Variants in CCDC3 observed in about 807,000 individuals in gnomAD.
The protein encoded by CCDC3 is coiled-coil domain-containing protein 3.
Under a neutral mutation model 21.4 loss-of-function variants are expected in CCDC3, and 24 were observed. That is an observed-to-expected ratio of 1.12 (90% CI 0.81 to 1.58). The LOEUF (loss-of-function observed/expected upper bound fraction) is 1.58, where lower values mean the gene tolerates loss of function less well. CCDC3 is among the 40% of genes most tolerant of loss of function. The probability of loss-of-function intolerance (pLI) is 0.00; values close to 1 mark genes in which losing one functional copy is unlikely to be tolerated. For synonymous variants in CCDC3, 186 were observed against 166.0 expected, an observed-to-expected ratio of 1.12 and a Z score of -0.93; for missense variants, 425 against 360.9, an observed-to-expected ratio of 1.18 and a Z score of -1.44.
intron 5 of CCDC3, among the ~76,000 whole-genome samples, chr10:13,011,771 G>A (rs1835986809): frequency 6.6e-6 from 1 of 152,144 alleles, no homozygotes; most frequent in African/African-American, 2.4e-5. Flanking sequence ...CACAGCTGGA[G>A]GAATCACATT....
chr10:13,071,495 G>A (rs1043048399), intron 4 of CCDC3, among the ~76,000 whole-genome samples: 7 of 152,154 alleles, frequency 4.6e-5, no homozygotes, highest in Non-Finnish European at 7.4e-5. Context: ...TAGTATCCAC[G>A]GCATAAATGA....
At position 13,007,881 on chromosome 10, in the gene CCDC3, A is replaced by G. The variant is rs553573474; in HGVS notation, c.-1-9369T>C. ...TCTAAAAGTCTTTAGCTGGGGCCAA[A>G]CAAGTTAGGTCTCCAAGCTGGGGCA... On this transcript the variant is annotated intron_variant, in intron 5 of 6. Transcript: ENST00000378839. Among the ~76,000 whole-genome samples the G allele has an allele frequency of 1.7e-3, 255 of 152,234 alleles. 2 individuals are homozygous for G. The highest frequency in any genetic ancestry group is 6.0e-3 in the African/African-American group (248 of 41,548).
intron 2 of CCDC3, among the ~76,000 whole-genome samples, chr10:12,933,593 C>CT (rs1156568182): frequency 5.9e-5 from 9 of 151,684 alleles, no homozygotes; most frequent in Non-Finnish European, 1.2e-4. Context: ...AAGCAGCTGG[C>CT]TTACAGACAT....
intron 2 of CCDC3, among the ~76,000 whole-genome samples, chr10:12,946,797 A>G (rs1834922779): frequency 6.6e-6 from 1 of 152,046 alleles, no homozygotes; most frequent in Non-Finnish European, 1.5e-5. Context: ...CCCTCCTTTA[A>G]TCAACATGCA....
At chr10:13,061,768 G>A (rs533568775) in intron 4 of CCDC3, among the ~76,000 whole-genome samples, 8 of 152,142 alleles carry the variant, frequency 5.3e-5, no homozygotes, top group African/African-American at 1.7e-4. Flanking sequence ...GAAATATTCA[G>A]GTTCAGATAA....
intron 2 of CCDC3, among the ~76,000 whole-genome samples, chr10:12,986,805 CA>C (rs929376301): frequency 6.7e-6 from 1 of 150,244 alleles, no homozygotes; most frequent in Admixed American, 6.6e-5. Context: ...AAAACAAAAA[CA>C]AAAAAGTAAT....
At chr10:13,063,996 C>T (rs1237298931) in intron 4 of CCDC3, among the ~76,000 whole-genome samples, 1 of 151,686 alleles carries the variant, frequency 6.6e-6, no homozygotes, top group Non-Finnish European at 1.5e-5. Flanking sequence ...GGTGCCATCT[C>T]GGCTCACTGC....
intron 2 of CCDC3, among the ~76,000 whole-genome samples, chr10:12,950,721 C>G (rs1409240234): frequency 2.0e-5 from 3 of 152,178 alleles, no homozygotes; most frequent in Non-Finnish European, 4.4e-5. Context: ...TCGCCCATGT[C>G]AGAAACCCTT....
chr10:12,930,842 C>T (rs185693576), intron 2 of CCDC3, among the ~76,000 whole-genome samples: 26 of 152,282 alleles, frequency 1.7e-4, no homozygotes, highest in Admixed American at 3.3e-4. Flanking sequence ...GTACCTGGAG[C>T]ATAGAGCACA....
rs536741889 is a variant in CCDC3 at position 13,033,073 on chromosome 10, C to T, written c.-2+16601G>A. Among the ~76,000 whole-genome samples the T allele has an allele frequency of 2.0e-4, 30 of 152,298 alleles. No individual in the cohort carries two copies. In the South Asian group the frequency reaches 3.7e-3, roughly 19 times the overall value. On this transcript the variant is annotated intron_variant, in intron 5 of 6. Coordinates refer to the CCDC3 transcript ENST00000378839. ...AAAGAACAAAGCTGGAGGCATCATG[C>T]TACCTGACTTCAAACTATACTACAA...
intron 2 of CCDC3, among the ~76,000 whole-genome samples, chr10:12,934,572 C>T (rs1286578490): frequency 6.6e-6 from 1 of 152,110 alleles, no homozygotes; most frequent in East Asian, 1.9e-4. Context: ...TGATAGTAAA[C>T]TCATCTATTT....
chr10:13,013,401 C>A (rs1031568924), intron 5 of CCDC3, among the ~76,000 whole-genome samples: 2 of 152,054 alleles, frequency 1.3e-5, no homozygotes, highest in Non-Finnish European at 2.9e-5. Context: ...TAAAGGGGCT[C>A]CCAGTGATGT....
At chr10:13,091,211 G>A (rs905984625) in intron 3 of CCDC3, among the ~76,000 whole-genome samples, 1 of 152,100 alleles carries the variant, frequency 6.6e-6, no homozygotes, top group Admixed American at 6.5e-5. Flanking sequence ...AATATCCTCT[G>A]GCAACCCACT....
intron 1 of CCDC3, among the ~76,000 whole-genome samples, chr10:12,999,941 T>C (rs574725034): frequency 2.4e-4 from 36 of 152,334 alleles, no homozygotes; most frequent in African/African-American, 8.4e-4. Context: ...CATACATATA[T>C]ATAAAAACTT....
At chr10:12,968,932 A>G (rs570832142) in intron 2 of CCDC3, among the ~76,000 whole-genome samples, 154 of 152,314 alleles carry the variant, frequency 1.0e-3, no homozygotes, top group Non-Finnish European at 1.9e-3. Flanking sequence ...AGACAGCAAG[A>G]GAGGAAGAAA....
At chr10:13,013,733 G>A (rs1216782343) in intron 5 of CCDC3, among the ~76,000 whole-genome samples, 3 of 152,038 alleles carry the variant, frequency 2.0e-5, no homozygotes, top group Non-Finnish European at 2.9e-5. Flanking sequence ...TAAACATGAG[G>A]AAATATCAGA....
intron 5 of CCDC3, among the ~76,000 whole-genome samples, chr10:13,028,452 A>G (rs186918750): frequency 6.1e-4 from 93 of 152,336 alleles, no homozygotes; most frequent in Non-Finnish European, 1.2e-3. Flanking sequence ...CACACAACCC[A>G]TAACAGAATT....
At chr10:12,907,879 A>T (rs1163018719) in intron 2 of CCDC3, among the ~76,000 whole-genome samples, 1 of 152,172 alleles carries the variant, frequency 6.6e-6, no homozygotes, top group African/African-American at 2.4e-5. Flanking sequence ...ATGCTAGATG[A>T]TGGAAAACCT....
At chr10:12,901,616 G>T (rs1006865636) in intron 2 of CCDC3, among the ~76,000 whole-genome samples, 13 of 152,258 alleles carry the variant, frequency 8.5e-5, no homozygotes, top group African/African-American at 3.1e-4. Context: ...AGGGAACCTG[G>T]CCACTCTCAG....
Sources: allele counts gnomAD v4.1 joint callset (sites outside exome capture counted in the v4.1 genomes callset), GRCh38; gene constraint gnomAD v4.1.1; transcripts MANE v1.5; gene names NCBI Gene and HGNC (gene_info 2026-07-23, HGNC 2026-07-21).